SENP7: variants seen among roughly 807,000 people sequenced by gnomAD.
The protein encoded by SENP7 is sentrin-specific protease 7.
A neutral mutation model predicts 141.2 loss-of-function variants in SENP7; 64 were observed. That is an observed-to-expected ratio of 0.45 (90% CI 0.37 to 0.56). The LOEUF is 0.56. Among genes scored for constraint, SENP7 ranks in the 20% least tolerant of loss-of-function variants. The pLI is 0.00. For missense variants in SENP7, 1,025 were observed against 1,212.2 expected (o/e 0.85, Z 2.29); for synonymous variants, 382 against 426.4 (o/e 0.90, Z 1.28).
chr3:101,348,147 T>TA (rs75595189), intron 12 of SENP7, 96 bp from the exon 13 acceptor site: 13 of 756,910 alleles, frequency 1.7e-5, no homozygotes, highest in African/African-American at 1.7e-4. Flanking sequence ...CTACTTTTTT[T>TA]AAAAAAAAGA....
chr3:101,464,678 C>T (rs1393893208), intron 3 of SENP7, among the ~76,000 whole-genome samples: 1 of 152,024 alleles, frequency 6.6e-6, no homozygotes, highest in Non-Finnish European at 1.5e-5. Flanking sequence ...TAATTATATA[C>T]TACAATGTAA....
chr3:101,438,523 TAAC>T (rs1460004488), intron 4 of SENP7, among the ~76,000 whole-genome samples: 1 of 152,192 alleles, frequency 6.6e-6, no homozygotes, highest in African/African-American at 2.4e-5. Flanking sequence ...TCAATTTATT[TAAC>T]AACATTAAAC....
intron 11 of SENP7, among the ~76,000 whole-genome samples, chr3:101,352,996 G>A (rs938887814): frequency 6.6e-6 from 1 of 151,982 alleles, no homozygotes; most frequent in Non-Finnish European, 1.5e-5. Context: ...TACACAAGTA[G>A]TAAGTAGGTA....
At chr3:101,390,406 T>C (rs2060786282) in intron 6 of SENP7, among the ~76,000 whole-genome samples, 1 of 151,356 alleles carries the variant, frequency 6.6e-6, no homozygotes, top group South Asian at 2.1e-4. Flanking sequence ...CAGCTATACA[T>C]ACATCAAACT....
intron 2 of SENP7, among the ~76,000 whole-genome samples, chr3:101,496,640 A>ACAACCTC (rs2065169662): frequency 6.8e-6 from 1 of 147,776 alleles, no homozygotes; most frequent in African/African-American, 2.5e-5. Flanking sequence ...GTGCAGTGGC[A>ACAACCTC]CAACCTCAGC....
chr3:101,502,773 G>A (rs1266018481), intron 1 of SENP7, among the ~76,000 whole-genome samples: 5 of 152,064 alleles, frequency 3.3e-5, no homozygotes, highest in Non-Finnish European at 5.9e-5. Flanking sequence ...AAAAGGAGCT[G>A]GACACGGTAG....
At chr3:101,453,309 G>C (rs982965007) in intron 4 of SENP7, among the ~76,000 whole-genome samples, 1 of 152,130 alleles carries the variant, frequency 6.6e-6, no homozygotes, top group African/African-American at 2.4e-5. Flanking sequence ...TCAGTGTGGC[G>C]ATTCCTCAGG....
chr3:101,471,482 AC>A (rs1434414249), intron 3 of SENP7, among the ~76,000 whole-genome samples: 1 of 152,152 alleles, frequency 6.6e-6, no homozygotes, highest in African/African-American at 2.4e-5. Flanking sequence ...CCTTCCTGAC[AC>A]CTTATACAAA....
At chr3:101,459,119 C>G (rs1327545990) in intron 3 of SENP7, 67 bp from the exon 4 acceptor site, 2 of 868,906 alleles carry the variant, frequency 2.3e-6, no homozygotes, top group Non-Finnish European at 3.5e-6. Flanking sequence ...TTAAACTGTT[C>G]TTTTTTATTT....
At position 101,438,600 on chromosome 3, in the gene SENP7, A is replaced by C. The variant is rs191977717; in HGVS notation, c.284+20355T>G. On this transcript the variant is annotated intron_variant, in intron 4 of 23. Coordinates refer to ENST00000394095, the MANE Select transcript of SENP7 (RefSeq NM_020654.5). ...TAAGTGTATTTTACTACAATAAAAA[A>C]ACTTTAGAGTCTTAAAATTCATTTA... Among the ~76,000 whole-genome samples the C allele has an allele frequency of 1.0e-3, 153 of 152,352 alleles. 1 individual carries two copies. Among genetic ancestry groups the C allele is most frequent in the African/African-American group, 3.3e-3 (137 of 41,596 alleles).
At chr3:101,360,565 T>TA (rs1357121774) in intron 11 of SENP7, among the ~76,000 whole-genome samples, 2 of 152,308 alleles carry the variant, frequency 1.3e-5, no homozygotes, top group Middle Eastern at 3.4e-3. Context: ...GAAACTGCTA[T>TA]AAAAAATGCC....
intron 7 of SENP7, among the ~76,000 whole-genome samples, chr3:101,368,748 G>C (rs960367506): frequency 6.6e-5 from 10 of 151,992 alleles, no homozygotes; most frequent in African/African-American, 2.4e-4. Context: ...AATAAAAAAG[G>C]GGGGGTCTTA....
intron 5 of SENP7, among the ~76,000 whole-genome samples, chr3:101,410,604 T>C (rs72942211): frequency 0.21 from 32,124 of 152,106 alleles, 3,584 homozygotes; most frequent in Non-Finnish European, 0.24. Flanking sequence ...CCCAGCACTT[T>C]GGGACACCAA....
chr3:101,371,657 TAGAC>T (rs1435743248), intron 7 of SENP7, among the ~76,000 whole-genome samples: 13 of 152,128 alleles, frequency 8.5e-5, no homozygotes, highest in African/African-American at 3.1e-4. Flanking sequence ...GGTAGGCAAA[TAGAC>T]AGTGATTAGC....
At chr3:101,487,649 G>A (rs2064787908) in intron 3 of SENP7, among the ~76,000 whole-genome samples, 2 of 152,226 alleles carry the variant, frequency 1.3e-5, no homozygotes, top group East Asian at 1.9e-4. Flanking sequence ...ATGGTAAAAG[G>A]TAAGGGTCCA....
At chr3:101,503,458 A>G (rs1213213818) in intron 1 of SENP7, among the ~76,000 whole-genome samples, 2 of 152,254 alleles carry the variant, frequency 1.3e-5, no homozygotes, top group Non-Finnish European at 2.9e-5. Flanking sequence ...CAACCCAAAT[A>G]TCCATCAAGT....
At chr3:101,489,505 A>AGATAT (rs755288911) in intron 3 of SENP7, among the ~76,000 whole-genome samples, 19,612 of 152,128 alleles carry the variant, frequency 0.13, 1,320 homozygotes, top group South Asian at 0.18. Flanking sequence ...AGCAGGAGCC[A>AGATAT]CTATTCTTAT....
At chr3:101,507,737 C>T (rs763220832) in intron 1 of SENP7, among the ~76,000 whole-genome samples, 79 of 152,086 alleles carry the variant, frequency 5.2e-4, no homozygotes, top group Non-Finnish European at 9.9e-4. Context: ...ATAATTCCTC[C>T]TTTAAAATTA....
intron 3 of SENP7, among the ~76,000 whole-genome samples, chr3:101,493,497 T>C (rs1326534192): frequency 1.3e-5 from 2 of 152,248 alleles, no homozygotes; most frequent in African/African-American, 2.4e-5. Flanking sequence ...ATAATCAAAA[T>C]AGCTTTTGAA....
Sources: allele counts gnomAD v4.1 joint callset (sites outside exome capture counted in the v4.1 genomes callset), GRCh38; gene constraint gnomAD v4.1.1; transcripts MANE v1.5; gene names NCBI Gene and HGNC (gene_info 2026-07-23, HGNC 2026-07-21).